The following RERE variants were observed in gnomAD, a reference collection of about 807,000 sequenced individuals.
RERE encodes arginine-glutamic acid dipeptide repeats protein.
In RERE, 40 loss-of-function variants were observed where a neutral mutation model predicts 146.1. That is an observed-to-expected ratio of 0.27 (90% CI 0.21 to 0.36). The LOEUF (loss-of-function observed/expected upper bound fraction) is 0.36. Ranked by LOEUF, RERE falls within the 10% of genes least tolerant of loss-of-function variation. The pLI is 1.00. For missense variants in RERE, 1,933 were observed against 2,138.7 expected, an observed-to-expected ratio of 0.90 and a Z score of 1.90; for synonymous variants, 1,003 against 866.0, an observed-to-expected ratio of 1.16 and a Z score of -2.78.
At chr1:8,783,501 T>TGTCCCA (rs1641204474) in intron 1 of RERE, among the ~76,000 whole-genome samples, 1 of 152,220 alleles carries the variant, frequency 6.6e-6, no homozygotes, top group African/African-American at 2.4e-5. Context: ...TCTAGCCTGT[T>TGTCCCA]GTCCCAGTCT....
chr1:8,476,125 T>C lies in RERE; in HGVS notation c.1105-10102A>G, dbSNP rs149476973. On this transcript the variant is annotated intron_variant, in intron 10 of 22. Coordinates refer to ENST00000400908, the MANE Select transcript of RERE (RefSeq NM_001042681.2). ...GAGTCACATGGAAGAAAGGAGGGGG[T>C]CGCAACATTTGCTGAGCAGTGCACA... Among the ~76,000 whole-genome samples the C allele has an allele frequency of 3.7e-3, 559 of 150,926 alleles. 2 individuals carry two copies. The highest frequency in any genetic ancestry group is 5.4e-3 in the Non-Finnish European group (368 of 67,730).
At chr1:8,664,822 T>G (rs1638534127) in intron 1 of RERE, among the ~76,000 whole-genome samples, 1 of 152,182 alleles carries the variant, frequency 6.6e-6, no homozygotes, top group Admixed American at 6.5e-5. Flanking sequence ...TGAATCAGGT[T>G]CTTGATTAGT....
At chr1:8,447,877 A>G (rs1229414494) in intron 11 of RERE, among the ~76,000 whole-genome samples, 1 of 152,132 alleles carries the variant, frequency 6.6e-6, no homozygotes, top group African/African-American at 2.4e-5. Flanking sequence ...GTGTCTCCTC[A>G]CAGGGTAGTT....
chr1:8,507,939 A>G (rs1036833694), intron 8 of RERE, among the ~76,000 whole-genome samples: 1 of 152,134 alleles, frequency 6.6e-6, no homozygotes, highest in Non-Finnish European at 1.5e-5. Context: ...GGGATTTGCC[A>G]TGTTGGCCAG....
intron 12 of RERE, among the ~76,000 whole-genome samples, chr1:8,386,093 C>T (rs1642673263): frequency 9.1e-6 from 1 of 110,102 alleles, no homozygotes; most frequent in Non-Finnish European, 1.7e-5. Context: ...GCAGTAGTTT[C>T]TAAGCTTCCA....
At chr1:8,564,826 ATGTGTATGTGTGTGTGTGTG>A (rs1451213294) in intron 4 of RERE, among the ~76,000 whole-genome samples, 7 of 117,838 alleles carry the variant, frequency 5.9e-5, no homozygotes, top group Admixed American at 5.9e-4. Context: ...GTGTGTGTAT[ATGTGTATGTGTGTGTGTGTG>A]TGTGTGTGTG....
intron 1 of RERE, among the ~76,000 whole-genome samples, chr1:8,764,975 C>A (rs1438706096): frequency 2.0e-5 from 3 of 152,186 alleles, no homozygotes; most frequent in Non-Finnish European, 4.4e-5. Flanking sequence ...CCATACCCCC[C>A]AAAAATTTCA....
chr1:8,399,619 C>T (rs906687117), intron 12 of RERE, among the ~76,000 whole-genome samples: 2 of 152,190 alleles, frequency 1.3e-5, no homozygotes, highest in Admixed American at 1.3e-4. Context: ...CTTTATTCTA[C>T]CACACAAATC....
intron 1 of RERE, among the ~76,000 whole-genome samples, chr1:8,774,965 T>C (rs540459125): frequency 0.22 from 26,931 of 122,054 alleles, 3,322 homozygotes; most frequent in East Asian, 0.67. Context: ...TTTTTTTTTT[T>C]TTTTTTTTTT....
At chr1:8,523,172 G>A (rs1020761012) in intron 7 of RERE, among the ~76,000 whole-genome samples, 2 of 152,152 alleles carry the variant, frequency 1.3e-5, no homozygotes, top group Non-Finnish European at 2.9e-5. Flanking sequence ...TCCAGCCTGG[G>A]TGACAGCGTG....
intron 1 of RERE, among the ~76,000 whole-genome samples, chr1:8,747,798 G>A (rs1370395602): frequency 6.6e-6 from 1 of 152,014 alleles, no homozygotes; most frequent in Non-Finnish European, 1.5e-5. Context: ...TTGAGACAGA[G>A]CTTTGCTCTG....
intron 12 of RERE, among the ~76,000 whole-genome samples, chr1:8,374,007 C>G (rs866258889): frequency 1.3e-5 from 2 of 152,222 alleles, no homozygotes; most frequent in Non-Finnish European, 2.9e-5. Flanking sequence ...TGCTGCTAAT[C>G]GTTAAATATC....
intron 1 of RERE, among the ~76,000 whole-genome samples, chr1:8,667,283 C>T (rs1217864677): frequency 6.6e-6 from 1 of 152,088 alleles, no homozygotes; most frequent in African/African-American, 2.4e-5. Context: ...AAGTAAGAAA[C>T]GATATATAAT....
intron 10 of RERE, among the ~76,000 whole-genome samples, chr1:8,490,513 T>C (rs1644967204): frequency 6.7e-6 from 1 of 150,374 alleles, no homozygotes; most frequent in Non-Finnish European, 1.5e-5. Flanking sequence ...TTATTTATAA[T>C]GGCCAAAAGC....
chr1:8,730,142 G>C (rs576141784), intron 1 of RERE, among the ~76,000 whole-genome samples: 1 of 152,232 alleles, frequency 6.6e-6, no homozygotes, highest in East Asian at 1.9e-4. Context: ...TGAAATCAGT[G>C]AACCATCAAA....
intron 7 of RERE, among the ~76,000 whole-genome samples, chr1:8,533,286 A>G (rs1024072698): frequency 2.0e-5 from 3 of 152,220 alleles, no homozygotes; most frequent in African/African-American, 7.2e-5. Context: ...AACTCTGCTT[A>G]CATGAGAGAG....
At position 8,482,732 on chromosome 1, in the gene RERE, G is replaced by A. The variant is rs1452111100; in HGVS notation, c.1104+12331C>T. ...AGACAAAAATTAAATCACGCAATTT[G>A]TGTTAAAATGTTGTTACATGGAACT... On this transcript the variant is annotated intron_variant, in intron 10 of 22. Transcript: ENST00000400908. Among the ~76,000 whole-genome samples the A allele has an allele frequency of 2.2e-5, 3 of 137,556 alleles. No individual in the cohort carries two copies. In the Admixed American group the frequency reaches 2.3e-4, roughly 10 times the overall value. The allele number at this position is 137,556 out of a possible 152,430, so 90.2% of individuals were successfully genotyped here.
intron 4 of RERE, among the ~76,000 whole-genome samples, chr1:8,564,852 GTGTGTGTGTGTGTGTGTGTA>G (rs1557688956): frequency 1.4e-5 from 2 of 142,478 alleles, no homozygotes; most frequent in Admixed American, 7.2e-5. Flanking sequence ...GTGTGTGTGT[GTGTGTGTGTGTGTGTGTGTA>G]TATATATATA....
chr1:8,510,389 G>A (rs543933020), intron 7 of RERE, among the ~76,000 whole-genome samples: 2 of 152,216 alleles, frequency 1.3e-5, no homozygotes, highest in Admixed American at 6.5e-5. Flanking sequence ...GAAAGGGAGG[G>A]GCGGTGACAG....
Sources: gnomAD v4.1 joint callset for allele counts (sites outside exome capture counted in the v4.1 genomes callset) on GRCh38, gnomAD v4.1.1 for gene constraint, MANE v1.5 for transcripts, NCBI Gene and HGNC (gene_info 2026-07-23, HGNC 2026-07-21) for gene names.